The following NRXN1 variants were observed in gnomAD, a reference collection of about 807,000 sequenced individuals.
The protein encoded by NRXN1 is neurexin 1.
NRXN1 carries 39 observed loss-of-function variants against 150.9 expected under a neutral mutation model. The observed-to-expected ratio is 0.26, with a 90% CI of 0.20 to 0.34. The LOEUF is 0.34. NRXN1 is among the 10% of genes least tolerant of loss of function. The pLI is 1.00. For synonymous variants in NRXN1, 924 were observed against 757.0 expected (o/e 1.22, Z -3.62); for missense variants, 1,815 against 1,949.9 (o/e 0.93, Z 1.30).
intron 5 of NRXN1, among the ~76,000 whole-genome samples, chr2:50,666,108 A>G (rs1687984863): frequency 6.6e-6 from 1 of 151,948 alleles, no homozygotes; most frequent in Non-Finnish European, 1.5e-5. Context: ...CTGTCACTAC[A>G]GATTAGTTTA....
At chr2:50,619,328 T>G (rs1214806291) in intron 8 of NRXN1, 1 of 152,164 alleles carries the variant, frequency 6.6e-6, no homozygotes, top group East Asian at 1.9e-4. Flanking sequence ...TGGAAAATAT[T>G]CATTAAAAAA....
chr2:50,254,341 T>G (rs189510912), intron 17 of NRXN1, among the ~76,000 whole-genome samples: 1 of 151,796 alleles, frequency 6.6e-6, no homozygotes, highest in Non-Finnish European at 1.5e-5. Context: ...CTATCTGTCT[T>G]ATTATTTTTT....
chr2:50,320,065 C>T (rs2075899965), intron 17 of NRXN1, among the ~76,000 whole-genome samples: 1 of 151,642 alleles, frequency 6.6e-6, no homozygotes, highest in African/African-American at 2.4e-5. Context: ...ACCCTCACTC[C>T]TCATCAGTGA....
intron 2 of NRXN1, among the ~76,000 whole-genome samples, chr2:51,010,721 A>C (rs1667715444): frequency 6.6e-6 from 1 of 152,006 alleles, no homozygotes; most frequent in African/African-American, 2.4e-5. Context: ...CTCCATCCAA[A>C]GATGCACAAG....
At chr2:50,916,250 G>A (rs62142977) in intron 5 of NRXN1, among the ~76,000 whole-genome samples, 13,916 of 150,582 alleles carry the variant, frequency 0.092, 729 homozygotes, top group South Asian at 0.19. Flanking sequence ...AATAAGCAGC[G>A]TCACCTTTCA....
chr2:50,426,394 T>C (rs951688634), intron 17 of NRXN1, among the ~76,000 whole-genome samples: 3 of 152,166 alleles, frequency 2.0e-5, no homozygotes, highest in Non-Finnish European at 4.4e-5. Context: ...AGGACAATCT[T>C]TTTAAGCTTC....
intron 18 of NRXN1, among the ~76,000 whole-genome samples, chr2:50,180,172 C>G (rs560116572): frequency 6.7e-6 from 1 of 149,632 alleles, no homozygotes; most frequent in East Asian, 2.0e-4. Flanking sequence ...CAGGGCGGTG[C>G]CCCCACATCT....
At chr2:50,007,253 G>T (rs755658253) in intron 21 of NRXN1, among the ~76,000 whole-genome samples, 1 of 152,058 alleles carries the variant, frequency 6.6e-6, no homozygotes, top group African/African-American at 2.4e-5. Flanking sequence ...GGTTGAGGCA[G>T]GAGGATCATT....
At chr2:50,207,074 G>T (rs1300253224) in intron 18 of NRXN1, among the ~76,000 whole-genome samples, 2 of 152,028 alleles carry the variant, frequency 1.3e-5, no homozygotes, top group African/African-American at 4.8e-5. Flanking sequence ...ATTCATAAAA[G>T]TATGTTAGAT....
chr2:50,546,644 A>G lies in NRXN1; in HGVS notation c.1759+5943T>C, dbSNP rs184925182. Among the ~76,000 whole-genome samples, 306 of 152,324 alleles carry G rather than the reference A, an allele frequency of 2.0e-3. 2 individuals are homozygous for G. The highest frequency in any genetic ancestry group is 0.019 in the South Asian group (91 of 4,832). ...ATACTTTGAGTGTGGAGAAACAATA[A>G]ATGATTTTTTTCTATAAACTTCTTC... On this transcript the variant is annotated intron_variant, in intron 9 of 22. Transcript: ENST00000401669.
At chr2:50,625,538 C>T (rs1400015138) in intron 5 of NRXN1, among the ~76,000 whole-genome samples, 1 of 152,062 alleles carries the variant, frequency 6.6e-6, no homozygotes, top group Non-Finnish European at 1.5e-5. Context: ...ATGAAGTGAA[C>T]ACAATGGACT....
rs180927442 is a variant in NRXN1 at position 50,038,126 on chromosome 2, G to C, written c.4128+15145C>G. ...ATAAAGAAACAGTGAGAGCGAATCT[G>C]TAGATAGTCTGGAAGGAGATTAGCA... On this transcript the variant is annotated intron_variant, in intron 21 of 22. Transcript: ENST00000401669. 3.2e-4 allele frequency among the ~76,000 whole-genome samples: 48 copies of C among 152,350 alleles called. 1 individual carries two copies. In the East Asian group the frequency reaches 8.3e-3, roughly 26 times the overall value.
chr2:50,859,199 C>A (rs1247004985), intron 5 of NRXN1, among the ~76,000 whole-genome samples: 1 of 151,806 alleles, frequency 6.6e-6, no homozygotes. Flanking sequence ...GGCTCTGGGT[C>A]CAGGAAAGCC....
intron 17 of NRXN1, among the ~76,000 whole-genome samples, chr2:50,418,075 T>C (rs2083685352): frequency 6.6e-6 from 1 of 152,030 alleles, no homozygotes; most frequent in South Asian, 2.1e-4. Context: ...GATGATGACC[T>C]GAACCAGGGT....
intron 18 of NRXN1, among the ~76,000 whole-genome samples, chr2:50,121,971 A>G (rs1703919582): frequency 1.3e-5 from 2 of 152,240 alleles, no homozygotes; most frequent in African/African-American, 4.8e-5. Context: ...AATTTTCTTC[A>G]GAGAATCTCC....
chr2:49,938,559 T>C (rs1008613066), intron 22 of NRXN1, among the ~76,000 whole-genome samples: 24 of 151,850 alleles, frequency 1.6e-4, no homozygotes, highest in Admixed American at 7.9e-4. Context: ...TATTATTCAA[T>C]GGAACTCTTC....
At chr2:50,656,019 C>G (rs977947694) in intron 5 of NRXN1, among the ~76,000 whole-genome samples, 19 of 152,044 alleles carry the variant, frequency 1.2e-4, no homozygotes, top group Admixed American at 1.1e-3. Flanking sequence ...TAGGTAAAAT[C>G]ATTACAAATC....
intron 17 of NRXN1, among the ~76,000 whole-genome samples, chr2:50,451,340 T>C (rs1250597736): frequency 6.6e-6 from 1 of 152,216 alleles, no homozygotes; most frequent in Non-Finnish European, 1.5e-5. Flanking sequence ...AATGTTTTCC[T>C]GGTTATTTGA....
At chr2:50,319,943 C>T (rs1418910648) in intron 17 of NRXN1, among the ~76,000 whole-genome samples, 1 of 152,026 alleles carries the variant, frequency 6.6e-6, no homozygotes, top group Non-Finnish European at 1.5e-5. Flanking sequence ...GACATGCTCA[C>T]TTTGGCAAGA....
Sources: gnomAD v4.1 joint callset for allele counts (sites outside exome capture counted in the v4.1 genomes callset) on GRCh38, gnomAD v4.1.1 for gene constraint, MANE v1.5 for transcripts, NCBI Gene and HGNC (gene_info 2026-07-23, HGNC 2026-07-21) for gene names.